The following LY9 variants were observed in gnomAD, a reference collection of about 807,000 sequenced individuals.
The protein encoded by LY9 is lymphocyte antigen 9.
In LY9, 59 loss-of-function variants were observed where a neutral mutation model predicts 64.6. The ratio of observed to expected loss-of-function variants is 0.91; its 90% CI spans 0.74 to 1.13. LY9 has a LOEUF of 1.13. Among genes scored for constraint, LY9 ranks in the 50% most tolerant of loss-of-function variants. LY9 has a pLI of 0.00. For synonymous variants in LY9, 281 were observed against 308.5 expected, an observed-to-expected ratio of 0.91 and a Z score of 0.93; for missense variants, 789 against 797.2, an observed-to-expected ratio of 0.99 and a Z score of 0.12.
At chr1:160,802,649 T>G in intron 2 of LY9, 1 of 985,530 alleles carries the variant, frequency 1.0e-6, no homozygotes, top group Non-Finnish European at 1.2e-6. Flanking sequence ...GTGAAAATGC[T>G]GCTTTCCTCA....
At chr1:160,824,061 G>A in intron 8 of LY9, 120 bp from the exon 9 acceptor site, 1 of 1,250,778 alleles carries the variant, frequency 8.0e-7, no homozygotes, top group Non-Finnish European at 1.1e-6. Flanking sequence ...CACTAAGGCA[G>A]CTCCCACCCT....
intron 7 of LY9, among the ~76,000 whole-genome samples, chr1:160,822,061 T>TA (rs1668501607): frequency 6.6e-6 from 1 of 152,232 alleles, no homozygotes; most frequent in Non-Finnish European, 1.5e-5. Context: ...AGGCACTTAC[T>TA]AAATATGAGC....
rs369246669 is a variant in LY9 at position 160,828,024 on chromosome 1, T to A, written c.*208T>A. On this transcript the variant is annotated 3_prime_UTR_variant, in exon 10 of 10. Coordinates refer to ENST00000263285, the MANE Select transcript of LY9 (RefSeq NM_002348.4). The stretch of plus-strand genomic sequence containing the variant: ...CAGACACAGGCTCCTTCTTGGAGCC[T>A]ATGGGCTTCAGATGTCTTTGCCCCA... 514 of 397,964 alleles carry A rather than the reference T, an allele frequency of 1.3e-3. 2 individuals are homozygous for A. The highest frequency in any genetic ancestry group is 9.9e-3 in the African/African-American group (479 of 48,146). 24.7% of individuals were successfully genotyped at this position (397,964 alleles called of 1,614,324 possible). A position where few individuals can be genotyped will look rare whatever the true frequency, so the allele number is the denominator to read the frequency against.
chr1:160,800,216 C>A, intron 2 of LY9, 134 bp downstream of exon 2: 1 of 648,872 alleles, frequency 1.5e-6, no homozygotes, highest in Non-Finnish European at 2.7e-6. Flanking sequence ...GTGTCTGCTG[C>A]CTGAGTACAA....
At chr1:160,809,012 T>C (rs1571000864) in intron 2 of LY9, among the ~76,000 whole-genome samples, 2 of 152,158 alleles carry the variant, frequency 1.3e-5, no homozygotes, top group East Asian at 3.8e-4. Flanking sequence ...CTCCTACTTG[T>C]AGAAATATTG....
At chr1:160,804,719 G>A (rs1246697264) in intron 2 of LY9, among the ~76,000 whole-genome samples, 1 of 152,092 alleles carries the variant, frequency 6.6e-6, no homozygotes, top group Non-Finnish European at 1.5e-5. Flanking sequence ...TCAGTCTCGG[G>A]CTTTTCTCTG....
chr1:160,801,971 C>T (rs1556517), intron 2 of LY9: 4 of 1,596,158 alleles, frequency 2.5e-6, no homozygotes, highest in African/African-American at 1.3e-5. Flanking sequence ...ACCTCACCGC[C>T]GCGCAGCAGA....
rs573103450 is a variant in LY9, at chr1:160,797,746, C to T, written c.124+1435C>T. ...CCTCTCACTTTAGTATCAGGAACATCTGAAATTAAATCATTGCTCCATCAT... is the reference window on the plus strand; with the variant it reads ...CCTCTCACTTTAGTATCAGGAACATTTGAAATTAAATCATTGCTCCATCAT... On this transcript the variant is annotated intron_variant, in intron 1 of 9. Transcript: ENST00000263285. 3.3e-5 allele frequency among the ~76,000 whole-genome samples: 5 copies of T among 152,262 alleles called. No homozygotes were observed. In the East Asian group the frequency reaches 9.7e-4, roughly 29 times the overall value.
intron 2 of LY9, chr1:160,811,716 C>G (rs1276491700): frequency 6.6e-6 from 1 of 152,206 alleles, no homozygotes; most frequent in Non-Finnish European, 1.5e-5. Flanking sequence ...TAATTTCTGT[C>G]TGAGACCTCA....
At chr1:160,820,850 T>TC (rs1668371317) in intron 7 of LY9, among the ~76,000 whole-genome samples, 2 of 151,782 alleles carry the variant, frequency 1.3e-5, no homozygotes, top group East Asian at 3.9e-4. Context: ...TAGTTTTTTT[T>TC]TTTTTTTAAT....
In LY9 at chr1:160,823,499, C is replaced by T; in HGVS notation, c.1533C>T (p.Leu511=). Residue 511 remains leucine, a synonymous_variant, in exon 8 of 10, where the codon CTC becomes CTT. Coordinates refer to ENST00000263285, the MANE Select transcript of LY9 (RefSeq NM_002348.4). ...PTAGHTLYSV[L]SQGYEKLDTP... ...CTGGCCACACGCTATACTCTGTGCT[C>T]TCCCAAGGATATGAGAAGCTGGACA... 1.2e-6 allele frequency: 2 copies of T among 1,614,082 alleles called. No homozygotes were observed. The highest frequency in any genetic ancestry group is 1.7e-6 in the Non-Finnish European group (2 of 1,179,946).
Position 160,813,686 on chromosome 1 carries a change from A to G in LY9, c.505A>G (p.Asn169Asp). The G allele has an allele frequency of 6.2e-7, 1 of 1,614,076 alleles. No homozygotes were observed. The highest frequency in any genetic ancestry group is 8.5e-7 in the Non-Finnish European group (1 of 1,180,022). The change falls in exon 3 of 10, where the codon AAC (asparagine) becomes GAC (aspartate). Residue 169 changes from asparagine (N) to aspartate (D), a missense_variant. Asn to Asp is a conservative substitution (Grantham distance 23). Transcript: ENST00000263285. ...CATGAAGTCTGTGAAGGTGTCTGAGAACTTCTCCTGTAACATCACTCTAAT... is the reference window on the plus strand; with the variant it reads ...CATGAAGTCTGTGAAGGTGTCTGAGGACTTCTCCTGTAACATCACTCTAAT... ...VTMKSVKVSENFSCNITLMCS... is the reference protein window; with the variant it reads ...VTMKSVKVSEDFSCNITLMCS...
At chr1:160,808,397 C>G (rs1232183218) in intron 2 of LY9, among the ~76,000 whole-genome samples, 1 of 152,180 alleles carries the variant, frequency 6.6e-6, no homozygotes, top group Non-Finnish European at 1.5e-5. Flanking sequence ...GAAAATGGTC[C>G]CTTACTATAA....
At chr1:160,821,151 T>TAA (rs373539992) in intron 7 of LY9, among the ~76,000 whole-genome samples, 55,611 of 105,246 alleles carry the variant, frequency 0.53, 15,444 homozygotes, top group Middle Eastern at 0.63. Flanking sequence ...GAAACTTTGC[T>TAA]AAAAAAAAAA....
At position 160,808,891 on chromosome 1, in the gene LY9, T is replaced by C. The variant is rs565822798; in HGVS notation, c.455-4745T>C. On this transcript the variant is annotated intron_variant, in intron 2 of 9. Coordinates refer to ENST00000263285, the MANE Select transcript of LY9 (RefSeq NM_002348.4). ...TTTCTCTCTCTAGGATAAATATGAC[T>C]ACTATATTGATCGTTTTTCACCTAA... 2.7e-4 allele frequency among the ~76,000 whole-genome samples: 41 copies of C among 152,326 alleles called. No homozygotes were observed. In the South Asian group the frequency reaches 8.3e-3, roughly 31 times the overall value.
Position 160,814,726 on chromosome 1 carries a change from T to A in LY9, c.1037T>A (p.Val346Asp). 1 of 1,613,944 alleles carries A rather than the reference T, an allele frequency of 6.2e-7. No homozygotes were observed. The highest frequency in any genetic ancestry group is 8.5e-7 in the Non-Finnish European group (1 of 1,179,920). ...HAYVCSEASS[V>D]TSMTHVTLLI... ...TACGTGTGCTCAGAGGCCTCCAGCG[T>A]CACCAGCATGACACATGTCACCCTG... is the stretch of plus-strand genomic sequence containing the variant. Residue 346 changes from valine to aspartate, a missense_variant, in exon 4 of 10, where the codon GTC (valine) becomes GAC (aspartate). Coordinates refer to ENST00000263285, the MANE Select transcript of LY9 (RefSeq NM_002348.4).
intron 4 of LY9, 64 bp downstream of exon 4, chr1:160,814,825 C>T (rs774578573): frequency 4.5e-6 from 6 of 1,321,394 alleles, no homozygotes; most frequent in Non-Finnish European, 6.3e-6. Context: ...CCTCTGCTGC[C>T]TTCTCCACCT....
intron 1 of LY9, among the ~76,000 whole-genome samples, chr1:160,796,593 A>C (rs1398746137): frequency 6.6e-6 from 1 of 151,760 alleles, no homozygotes; most frequent in African/African-American, 2.4e-5. Context: ...GGGTTTCACT[A>C]TGTTGGCCAC....
rs1190716703 is a variant in LY9 at position 160,814,806 on chromosome 1, A to G, written c.1072+45A>G. Reference sequence around the variant, plus strand: ...ACCCATCACCAGATTCCTTCTCTGAAAGCTTTCTCCTCTGCTGCCTTCTCC... The same window carrying G: ...ACCCATCACCAGATTCCTTCTCTGAGAGCTTTCTCCTCTGCTGCCTTCTCC... On this transcript the variant is annotated intron_variant, in intron 4 of 9. Coordinates refer to ENST00000263285, the MANE Select transcript of LY9 (RefSeq NM_002348.4). The G allele has an allele frequency of 4.6e-6, 7 of 1,517,958 alleles. No homozygotes were observed. In the East Asian group the frequency reaches 1.4e-4, roughly 31 times the overall value. The allele number at this position is 1,517,958 out of a possible 1,614,324, so 94.0% of individuals were successfully genotyped here. A position where few individuals can be genotyped will look rare whatever the true frequency, so the allele number is the denominator to read the frequency against.
Sources: gnomAD v4.1 joint callset for allele counts (sites outside exome capture counted in the v4.1 genomes callset) on GRCh38, gnomAD v4.1.1 for gene constraint, MANE v1.5 for transcripts, NCBI Gene and HGNC (gene_info 2026-07-23, HGNC 2026-07-21) for gene names.